The following SLC38A10 variants were observed in gnomAD, a reference collection of about 807,000 sequenced individuals.
SLC38A10 encodes the protein Sodium-coupled neutral amino acid transporter 10.
Under a neutral mutation model 81.0 loss-of-function variants are expected in SLC38A10, and 53 were observed. The observed-to-expected ratio is 0.65, with a 90% CI of 0.53 to 0.82. SLC38A10 has a LOEUF of 0.82. Ranked by LOEUF, SLC38A10 falls within the 40% of genes least tolerant of loss-of-function variation. The pLI is 0.00. For synonymous variants in SLC38A10, 665 were observed against 655.3 expected, an observed-to-expected ratio of 1.01 and a Z score of -0.23; for missense variants, 1,471 against 1,545.0, an observed-to-expected ratio of 0.95 and a Z score of 0.80.
Position 81,283,419 on chromosome 17 carries a change from A to C in SLC38A10, c.347T>G (p.Phe116Cys). The C allele has an allele frequency of 6.2e-7, 1 of 1,611,688 alleles. No homozygotes were observed. Among genetic ancestry groups the C allele is most frequent in the Non-Finnish European group, 8.5e-7 (1 of 1,178,760 alleles). ...TGAACACATCCTTACCTGAAACCCG[A>C]ACAGCCGGGCAAAGAAGTTGGACCC... ...DLGSNFFARL[F>C]GFQVGGTFRM... is the part of the protein sequence containing the mutation. Residue 116 changes from phenylalanine to cysteine, a missense_variant, in exon 4 of 16, where the codon TTC becomes TGC. Transcript: ENST00000374759. This position sits in a 1 kb window ranked among gnomAD's most constrained non-coding sequence, Gnocchi z 4.7.
At chr17:81,284,939 A>C (rs2063249988) in intron 2 of SLC38A10, 44 bp from the exon 3 acceptor site, 1 of 1,519,260 alleles carries the variant, frequency 6.6e-7, no homozygotes, top group Admixed American at 2.1e-5. Context: ...CAGCGTGAGA[A>C]GCTCGTCCAG....
In SLC38A10 at chr17:81,245,730, A is replaced by C. The variant is rs368147926; in HGVS notation, c.3186T>G (p.Gly1062=). Residue 1062 remains glycine, a synonymous_variant, in exon 16 of 16, where the codon GGT becomes GGG. Coordinates refer to ENST00000374759, the MANE Select transcript of SLC38A10 (RefSeq NM_001037984.3). ...TGACCCCATCCCTCGGGGCCAGCTG[A>C]CCCTCTGCATGAGGGCCAAGGTCCC... is the stretch of plus-strand genomic sequence containing the variant. The part of the protein sequence containing the change: ...RRRDLGPHAE[G]QLAPRDGVII... The C allele has an allele frequency of 1.3e-6, 2 of 1,596,972 alleles. No homozygotes were observed. The highest frequency in any genetic ancestry group is 1.7e-4 in the Middle Eastern group (1 of 5,994).
chr17:81,258,470 A>G (rs1051155419), intron 11 of SLC38A10, among the ~76,000 whole-genome samples: 1 of 152,112 alleles, frequency 6.6e-6, no homozygotes, highest in Admixed American at 6.5e-5. Flanking sequence ...CACAAGCCTC[A>G]TGACGGGATA....
At chr17:81,259,530 G>A (rs181075639) in intron 11 of SLC38A10, among the ~76,000 whole-genome samples, 179 of 152,306 alleles carry the variant, frequency 1.2e-3, no homozygotes, top group Middle Eastern at 6.8e-3. Flanking sequence ...CTGCAGGGCC[G>A]CCTTGTGTGG....
chr17:81,246,783 C>T (rs559351854), intron 15 of SLC38A10, 102 bp downstream of exon 15: 102 of 1,498,022 alleles, frequency 6.8e-5, no homozygotes, highest in Admixed American at 1.8e-4. Context: ...ACCAGACTCA[C>T]GCTCAGGTCT....
chr17:81,291,250 G>A (rs553135625), intron 1 of SLC38A10, among the ~76,000 whole-genome samples: 1 of 152,098 alleles, frequency 6.6e-6, no homozygotes, highest in South Asian at 2.1e-4. Context: ...GGAGGCCGAG[G>A]CAGGTGGATC....
chr17:81,268,885 A>G (rs919828372), intron 10 of SLC38A10, among the ~76,000 whole-genome samples: 1 of 152,236 alleles, frequency 6.6e-6, no homozygotes, highest in Non-Finnish European at 1.5e-5. Flanking sequence ...GCATGCTGTT[A>G]TAAGAGACAT....
rs1038493075 is a variant in SLC38A10, at chr17:81,276,726, C to A, written c.729+305G>T. On this transcript the variant is annotated intron_variant, in intron 7 of 15. Transcript: ENST00000374759. The surrounding 1 kb of genome is among the most constrained non-coding windows in gnomAD (Gnocchi z 4.7). ...ATTTCTACAGAGAATTAACAGAGGT[C>A]TTGGAGAGAGAGTAAGAGTGGCTCG... Among the ~76,000 whole-genome samples the A allele has an allele frequency of 1.3e-5, 2 of 152,158 alleles. No homozygotes were observed. Among genetic ancestry groups the A allele is most frequent in the African/African-American group, 2.4e-5 (1 of 41,436 alleles).
chr17:81,267,393 A>C (rs566969227), intron 10 of SLC38A10, among the ~76,000 whole-genome samples: 16 of 152,306 alleles, frequency 1.1e-4, no homozygotes, highest in African/African-American at 3.8e-4. Flanking sequence ...GGAAATTCTA[A>C]CTATGGCCCT....
intron 8 of SLC38A10, among the ~76,000 whole-genome samples, chr17:81,273,075 C>T (rs993333917): frequency 2.0e-5 from 3 of 152,210 alleles, no homozygotes; most frequent in Admixed American, 6.5e-5. Flanking sequence ...CACACGCACA[C>T]ATGGCCGTGT....
chr17:81,290,467 G>A (rs565933857), intron 1 of SLC38A10, among the ~76,000 whole-genome samples: 1 of 152,266 alleles, frequency 6.6e-6, no homozygotes, highest in African/African-American at 2.4e-5. Context: ...GACACGGATG[G>A]GACTCAAACG....
In SLC38A10 at chr17:81,277,188, G is replaced by T; in HGVS notation, c.627-55C>A. ...ACCTGAGAGAGGCACGCCCTCCCCA[G>T]CGGCTCCACTTCTAGGACCTCTCTG... On this transcript the variant is annotated intron_variant, in intron 6 of 15. Coordinates refer to ENST00000374759, the MANE Select transcript of SLC38A10 (RefSeq NM_001037984.3). The surrounding 1 kb of genome is among the most constrained non-coding windows in gnomAD (Gnocchi z 4.5). 2 of 1,529,814 alleles carry T rather than the reference G, an allele frequency of 1.3e-6. No individual in the cohort carries two copies. The highest frequency in any genetic ancestry group is 2.3e-5 in the South Asian group (2 of 88,536). 94.8% of individuals were successfully genotyped at this position (1,529,814 alleles called of 1,614,324 possible). A position where few individuals can be genotyped will look rare whatever the true frequency, so the allele number is the denominator to read the frequency against.
intron 14 of SLC38A10, chr17:81,250,950 T>A: frequency 1.6e-6 from 2 of 1,271,990 alleles, no homozygotes; most frequent in Non-Finnish European, 2.0e-6. Flanking sequence ...AGGTGACAGA[T>A]CCCTGTAGAT....
chr17:81,289,708 C>T lies in SLC38A10; in HGVS notation c.200G>A (p.Arg67Lys). 6.2e-7 allele frequency: 1 copy of T among 1,610,526 alleles called. No individual in the cohort carries two copies. The highest frequency in any genetic ancestry group is 8.5e-7 in the Non-Finnish European group (1 of 1,179,578). The change falls in exon 2 of 16, where the codon AGG (arginine) becomes AAG (lysine). Residue 67 changes from arginine (R) to lysine (K), a missense_variant. Around this residue, in one of 2 missense-constraint regions of SLC38A10, gnomAD observed 720 missense variants for 827.7 expected, o/e 0.87. Transcript: ENST00000374759. The surrounding 1 kb of genome is among the most constrained non-coding windows in gnomAD (Gnocchi z 5.9). ...LVKSASLSKRRTYAGLAFHAY... is the reference protein window; with the variant it reads ...LVKSASLSKRKTYAGLAFHAY... ...CGCCTCACCCAGGCCGGCGTAGGTC[C>T]TCCGCTTGCTCAGGCTGGCCGACTT...
Position 81,246,917 on chromosome 17 carries a change from C to T in SLC38A10, c.2210G>A (p.Arg737Lys). Residue 737 changes from arginine (R) to lysine (K), a missense_variant, in exon 15 of 16, where the codon AGG becomes AAG. Around this residue, in one of 2 missense-constraint regions of SLC38A10, gnomAD observed 751 missense variants for 717.4 expected, o/e 1.05. Transcript: ENST00000374759. ...GGGTTTATCCTCCTCGTCCTCCTGC[C>T]TCTGCTGGTGGATCTCCTTGTGCTG... Reference protein sequence around the residue: ...EEQHKEIHQQRQEDEEDKPRQ... With the variant: ...EEQHKEIHQQKQEDEEDKPRQ... 2 of 1,604,810 alleles carry T rather than the reference C, an allele frequency of 1.2e-6. No individual in the cohort carries two copies. The highest frequency in any genetic ancestry group is 1.7e-6 in the Non-Finnish European group (2 of 1,176,628).
At chr17:81,278,811 G>A (rs2063183906) in intron 6 of SLC38A10, among the ~76,000 whole-genome samples, 1 of 152,168 alleles carries the variant, frequency 6.6e-6, no homozygotes, top group Non-Finnish European at 1.5e-5. Flanking sequence ...CACCCTGTGG[G>A]GAGTGACCCC....
chr17:81,279,021 G>A (rs2063185631), intron 6 of SLC38A10, among the ~76,000 whole-genome samples: 1 of 152,242 alleles, frequency 6.6e-6, no homozygotes, highest in African/African-American at 2.4e-5. Flanking sequence ...GGGACATGCT[G>A]AGCGCTGGCC....
At chr17:81,284,801 G>A (rs757496616) in intron 3 of SLC38A10, 49 bp downstream of exon 3, 3 of 1,434,052 alleles carry the variant, frequency 2.1e-6, no homozygotes, top group South Asian at 1.4e-5. Flanking sequence ...GGTCCCCAGT[G>A]TCTGGGTGCG....
Position 81,245,279 on chromosome 17 carries a change from C to G in SLC38A10, c.*277G>C, listed in dbSNP as rs1430323231. 6 of 392,572 alleles carry G rather than the reference C, an allele frequency of 1.5e-5. No individual in the cohort carries two copies. The East Asian group carries it at 2.2e-4, about 15-fold the overall frequency. 24.3% of individuals were successfully genotyped at this position (392,572 alleles called of 1,614,324 possible). On this transcript the variant is annotated 3_prime_UTR_variant, in exon 16 of 16. Transcript: ENST00000374759. ...TGGGAGTGCACCAGCCAGCTCGCAG[C>G]GGAGGCCGTTTCTCCTCACAGGCTG... is the stretch of plus-strand genomic sequence containing the variant.
Sources: gnomAD v4.1 joint callset for allele counts (sites outside exome capture counted in the v4.1 genomes callset) on GRCh38, gnomAD v4.1.1 for gene constraint, gnomAD v4.1.1 regional missense constraint, Gnocchi (gnomAD v3.1) non-coding constraint, MANE v1.5 for transcripts, NCBI Gene and HGNC (gene_info 2026-07-23, HGNC 2026-07-21) for gene names.